Variants in CSMD2 observed in about 807,000 individuals in gnomAD.
The protein encoded by CSMD2 is CUB and sushi domain-containing protein 2.
Under a neutral mutation model 398.5 loss-of-function variants are expected in CSMD2, and 130 were observed. The ratio of observed to expected loss-of-function variants is 0.33; its 90% CI spans 0.28 to 0.38. The LOEUF (loss-of-function observed/expected upper bound fraction) is 0.38. CSMD2 is among the 10% of genes least tolerant of loss of function. CSMD2 has a pLI of 1.00. For synonymous variants in CSMD2, 1,828 were observed against 1,908.5 expected (o/e 0.96, Z 1.10); for missense variants, 3,829 against 4,764.9 (o/e 0.80, Z 5.78).
chr1:33,758,486 A>G (rs1299730419), intron 13 of CSMD2, among the ~76,000 whole-genome samples: 2 of 152,228 alleles, frequency 1.3e-5, no homozygotes, highest in Non-Finnish European at 2.9e-5. Flanking sequence ...TACTAATAAT[A>G]ATTGTAACAA....
In CSMD2 at chr1:34,020,768, C is replaced by T. The variant is rs561598083; in HGVS notation, c.517+11826G>A. ...AATGGGGATCCTAAGGCCTTGCTCA[C>T]GAGGTGGTTATGTGTCGGTTGTTGT... On this transcript the variant is annotated intron_variant, in intron 3 of 70. Transcript: ENST00000373381. 6.7e-4 allele frequency among the ~76,000 whole-genome samples: 102 copies of T among 152,260 alleles called. 1 individual carries two copies. In the South Asian group the frequency reaches 0.014, roughly 21 times the overall value.
chr1:33,960,779 A>G (rs1467386877), intron 3 of CSMD2, among the ~76,000 whole-genome samples: 1 of 152,362 alleles, frequency 6.6e-6, no homozygotes, highest in Middle Eastern at 3.4e-3. Flanking sequence ...CAGTCTCAGT[A>G]CTTAGCAGAA....
At chr1:33,808,864 A>T (rs1050970157) in intron 10 of CSMD2, among the ~76,000 whole-genome samples, 2 of 151,972 alleles carry the variant, frequency 1.3e-5, no homozygotes, top group Non-Finnish European at 2.9e-5. Flanking sequence ...GATACATATT[A>T]GAAATGAAAA....
intron 3 of CSMD2, among the ~76,000 whole-genome samples, chr1:34,028,194 G>A (rs2148137561): frequency 6.6e-6 from 1 of 152,112 alleles, no homozygotes; most frequent in East Asian, 1.9e-4. Flanking sequence ...GGTGGCGCGT[G>A]TCTGCGGTCC....
At chr1:33,713,534 G>A (rs899901987) in intron 21 of CSMD2, among the ~76,000 whole-genome samples, 4 of 152,092 alleles carry the variant, frequency 2.6e-5, no homozygotes, top group Non-Finnish European at 4.4e-5. Context: ...CATACATTAG[G>A]GACAGACAGC....
intron 33 of CSMD2, among the ~76,000 whole-genome samples, chr1:33,625,972 T>C (rs893644666): frequency 1.3e-5 from 2 of 152,240 alleles, no homozygotes; most frequent in African/African-American, 2.4e-5. Flanking sequence ...CCTCTTTGCA[T>C]CCTATCAGTG....
chr1:33,633,633 T>TG lies in CSMD2; in HGVS notation c.5087-99dup, dbSNP rs1642607254. The TG allele has an allele frequency of 1.2e-6, 1 of 867,516 alleles. No homozygotes were observed. Among genetic ancestry groups the TG allele is most frequent in the East Asian group, 2.7e-5 (1 of 37,600 alleles). The allele number at this position is 867,516 out of a possible 1,614,324, so 53.7% of individuals were successfully genotyped here. Reference sequence around the variant, plus strand: ...GCCCAAGCCAGGAGGAGGGCAGCCCTGGGGAAGTTGTTGGTTCCTGGGCTG... The same window carrying TG: ...GCCCAAGCCAGGAGGAGGGCAGCCCTGGGGGAAGTTGTTGGTTCCTGGGCTG... On this transcript the variant is annotated intron_variant, in intron 31 of 70. Coordinates refer to ENST00000373381, the MANE Select transcript of CSMD2 (RefSeq NM_001281956.2). The surrounding 1 kb of genome is among the most constrained non-coding windows in gnomAD (Gnocchi z 5.0).
chr1:34,053,169 C>A (rs1653411629), intron 2 of CSMD2, among the ~76,000 whole-genome samples: 1 of 152,182 alleles, frequency 6.6e-6, no homozygotes, highest in Admixed American at 6.5e-5. Context: ...CACCATCAAT[C>A]ATCTCTCATT....
chr1:33,784,242 G>C (rs920888845), intron 12 of CSMD2, among the ~76,000 whole-genome samples: 1 of 152,210 alleles, frequency 6.6e-6, no homozygotes, highest in Non-Finnish European at 1.5e-5. Flanking sequence ...CCATGGAGGA[G>C]CTGTGAAGGA....
intron 7 of CSMD2, 104 bp downstream of exon 7, chr1:33,825,593 A>T: frequency 9.8e-7 from 1 of 1,023,450 alleles, no homozygotes; most frequent in Non-Finnish European, 1.5e-6. Context: ...AGCAGGGTTG[A>T]AGGAAAGTCA....
intron 3 of CSMD2, among the ~76,000 whole-genome samples, chr1:33,972,305 C>T (rs1645801088): frequency 6.6e-6 from 1 of 152,154 alleles, no homozygotes; most frequent in African/African-American, 2.4e-5. Context: ...CATAGTAATT[C>T]ATTTATTTGA....
At chr1:33,603,749 C>A (rs1640389996) in intron 42 of CSMD2, among the ~76,000 whole-genome samples, 1 of 152,204 alleles carries the variant, frequency 6.6e-6, no homozygotes, top group Non-Finnish European at 1.5e-5. Flanking sequence ...GGGAGCCCTG[C>A]ATCTGGTTTT....
At chr1:33,806,963 T>A (rs1656298447) in intron 10 of CSMD2, among the ~76,000 whole-genome samples, 2 of 152,296 alleles carry the variant, frequency 1.3e-5, no homozygotes, top group Non-Finnish European at 2.9e-5. Flanking sequence ...GGTAAACATT[T>A]TCCCAAGCTG....
At chr1:33,530,783 C>A (rs965018010) in intron 64 of CSMD2, among the ~76,000 whole-genome samples, 2 of 152,110 alleles carry the variant, frequency 1.3e-5, no homozygotes, top group Admixed American at 6.5e-5. Flanking sequence ...AGAAATTCTG[C>A]CATTTGTGAC....
chr1:33,855,666 T>C (rs1639033325), intron 5 of CSMD2, among the ~76,000 whole-genome samples: 1 of 152,098 alleles, frequency 6.6e-6, no homozygotes, highest in Non-Finnish European at 1.5e-5. Flanking sequence ...AGCCCAAGTC[T>C]CTATTATATG....
At position 33,738,079 on chromosome 1, in the gene CSMD2, T is replaced by G. The variant is rs1249921895; in HGVS notation, c.2368+1061A>C. Among the ~76,000 whole-genome samples, 5 of 152,196 alleles carry G rather than the reference T, an allele frequency of 3.3e-5. No individual in the cohort carries two copies. In the East Asian group the frequency reaches 9.7e-4, roughly 30 times the overall value. The stretch of plus-strand genomic sequence containing the variant: ...GTCTCCCATCGAGCCATTTGTAAGC[T>G]CTGGGTAATACTCTCTCTCAGGCAT... On this transcript the variant is annotated intron_variant, in intron 15 of 70. Transcript: ENST00000373381.
At chr1:33,829,668 G>T in intron 6 of CSMD2, among the ~76,000 whole-genome samples, 1 of 152,188 alleles carries the variant, frequency 6.6e-6, no homozygotes, top group Admixed American at 6.5e-5. Flanking sequence ...AGGACAGTGG[G>T]TGCAGCGCAC....
chr1:33,801,539 C>G (rs1312317342), intron 10 of CSMD2, among the ~76,000 whole-genome samples: 4 of 152,160 alleles, frequency 2.6e-5, no homozygotes, highest in Non-Finnish European at 4.4e-5. Flanking sequence ...GTTCAAATAT[C>G]GCTGAGCTGC....
chr1:34,006,802 G>A (rs577146391), intron 3 of CSMD2, among the ~76,000 whole-genome samples: 1 of 152,176 alleles, frequency 6.6e-6, no homozygotes, highest in East Asian at 1.9e-4. Flanking sequence ...CATGTCCAGT[G>A]TGGAGTCGTA....
Sources: gnomAD v4.1 joint callset for allele counts (sites outside exome capture counted in the v4.1 genomes callset) on GRCh38, gnomAD v4.1.1 for gene constraint, Gnocchi (gnomAD v3.1) non-coding constraint, MANE v1.5 for transcripts, NCBI Gene and HGNC (gene_info 2026-07-23, HGNC 2026-07-21) for gene names.